Variants in CACNA1I observed in about 807,000 individuals in gnomAD.
CACNA1I encodes calcium voltage-gated channel subunit alpha1 I.
CACNA1I carries 74 observed loss-of-function variants against 201.6 expected under a neutral mutation model. The ratio of observed to expected loss-of-function variants is 0.37; its 90% CI spans 0.30 to 0.45. The LOEUF is 0.45. Ranked by LOEUF, CACNA1I falls within the 20% of genes least tolerant of loss-of-function variation. The pLI is 1.00. For synonymous variants in CACNA1I, 1,431 were observed against 1,345.2 expected (o/e 1.06, Z -1.40); for missense variants, 2,346 against 3,138.1 (o/e 0.75, Z 6.03).
At chr22:39,664,639 A>C in intron 20 of CACNA1I, 100 bp from the exon 21 acceptor site, 5 of 270,206 alleles carry the variant, frequency 1.9e-5, no homozygotes, top group Non-Finnish European at 2.9e-5. Flanking sequence ...CCCGAAGCCG[A>C]TCAGGCCTCG....
chr22:39,686,510 A>C lies in CACNA1I; in HGVS notation c.*105A>C. The C allele has an allele frequency of 1.1e-6, 1 of 872,152 alleles. No homozygotes were observed. Among genetic ancestry groups the C allele is most frequent in the Non-Finnish European group, 1.5e-6 (1 of 671,266 alleles). 54.0% of individuals were successfully genotyped at this position (872,152 alleles called of 1,614,324 possible). On this transcript the variant is annotated 3_prime_UTR_variant, in exon 37 of 37. Transcript: ENST00000402142. Reference sequence around the variant, plus strand: ...ACTTCGTCCACACCTGGGATCGCGCAGGGCCCGCAGGGCACAGGCGCCCGA... The same window carrying C: ...ACTTCGTCCACACCTGGGATCGCGCCGGGCCCGCAGGGCACAGGCGCCCGA...
Position 39,646,671 on chromosome 22 carries a change from C to T in CACNA1I, c.1252C>T (p.Arg418Cys). The T allele has an allele frequency of 1.9e-6, 3 of 1,581,518 alleles. No individual in the cohort carries two copies. The highest frequency in any genetic ancestry group is 2.3e-5 in the East Asian group (1 of 42,886). The stretch of plus-strand genomic sequence containing the variant: ...CCGGCTGATGCTGGAGCAGCGGCAG[C>T]GCTACCTGTCCTCCAGCACGGTGGC... ...EHRLMLEQRQRYLSSSTVASY... is the reference protein window; with the variant it reads ...EHRLMLEQRQCYLSSSTVASY... Residue 418 changes from arginine (R) to cysteine (C), a missense_variant, in exon 8 of 37, where the codon CGC becomes TGC. Coordinates refer to ENST00000402142, the MANE Select transcript of CACNA1I (RefSeq NM_021096.4).
intron 35 of CACNA1I, among the ~76,000 whole-genome samples, chr22:39,683,445 T>C (rs1935760558): frequency 6.6e-6 from 1 of 152,088 alleles, no homozygotes; most frequent in Non-Finnish European, 1.5e-5. Context: ...CCAGGGTGGC[T>C]GAGGTGCCAA....
At chr22:39,600,375 C>T (rs1345661966) in intron 2 of CACNA1I, 145 bp from the exon 3 acceptor site, 1 of 635,932 alleles carries the variant, frequency 1.6e-6, no homozygotes, top group Admixed American at 3.2e-5. Context: ...CACTGAGGTT[C>T]TCCTCCTGCC....
chr22:39,595,071 CAAAGT>C (rs1932864788), intron 1 of CACNA1I, among the ~76,000 whole-genome samples: 1 of 151,982 alleles, frequency 6.6e-6, no homozygotes, highest in African/African-American at 2.4e-5. Context: ...AGGCGGATCA[CAAAGT>C]CAGGAGATCG....
chr22:39,615,692 A>C (rs738168), intron 3 of CACNA1I, among the ~76,000 whole-genome samples: 138,374 of 152,216 alleles, frequency 0.91, 63,084 homozygotes, highest in Middle Eastern at 0.96. Flanking sequence ...TGAGAACTAC[A>C]CGATTCTTCA....
Position 39,646,839 on chromosome 22 carries a change from C to T in CACNA1I, c.1420C>T (p.Pro474Ser). The T allele has an allele frequency of 6.5e-7, 1 of 1,531,502 alleles. No individual in the cohort carries two copies. Among genetic ancestry groups the T allele is most frequent in the Non-Finnish European group, 8.8e-7 (1 of 1,139,720 alleles). 94.9% of individuals were successfully genotyped at this position (1,531,502 alleles called of 1,614,324 possible). A position where few individuals can be genotyped will look rare whatever the true frequency, so the allele number is the denominator to read the frequency against. ...GGCCCTGGGCCCGGAGGCCCCGGCC[C>T]CCGCCAAACCTGGGCCCCACGCCAA... ...RQALGPEAPA[P>S]AKPGPHAKEP... Residue 474 changes from proline to serine, a missense_variant, in exon 8 of 37, where the codon CCC becomes TCC. Transcript: ENST00000402142.
At chr22:39,593,270 G>A (rs775781717) in intron 1 of CACNA1I, among the ~76,000 whole-genome samples, 3 of 152,254 alleles carry the variant, frequency 2.0e-5, no homozygotes, top group Non-Finnish European at 4.4e-5. Context: ...AGCTCTCCAG[G>A]CTTGTTCCTT....
intron 1 of CACNA1I, among the ~76,000 whole-genome samples, chr22:39,588,150 T>TTTTTTTA (rs132578): frequency 7.0e-6 from 1 of 143,408 alleles, no homozygotes; most frequent in Non-Finnish European, 1.5e-5. Context: ...TTTTTTTTTT[T>TTTTTTTA]GAGACAAAGT....
At chr22:39,601,431 G>A (rs1933026139) in intron 3 of CACNA1I, among the ~76,000 whole-genome samples, 1 of 152,230 alleles carries the variant, frequency 6.6e-6, no homozygotes, top group Non-Finnish European at 1.5e-5. Flanking sequence ...ACTGAGCCAA[G>A]CTGGGGACTT....
intron 1 of CACNA1I, among the ~76,000 whole-genome samples, chr22:39,591,979 C>T (rs1422185663): frequency 2.6e-5 from 4 of 152,226 alleles, no homozygotes; most frequent in Non-Finnish European, 5.9e-5. Flanking sequence ...ACAACAGGCA[C>T]ACAATATAAG....
In CACNA1I at chr22:39,677,978, C is replaced by A; in HGVS notation, c.4934-9C>A. On this transcript the variant is annotated splice_polypyrimidine_tract_variant and intron_variant, in intron 30 of 36. Coordinates refer to ENST00000402142, the MANE Select transcript of CACNA1I (RefSeq NM_021096.4). The surrounding 1 kb of genome is among the most constrained non-coding windows in gnomAD (Gnocchi z 4.8). ...CATCGGGCAGGGCTGACCTCCTCCC[C>A]GCTTCCAGTCTGCAACGACGAGAAC... 6.3e-7 allele frequency: 1 copy of A among 1,581,002 alleles called. No individual in the cohort carries two copies. The highest frequency in any genetic ancestry group is 2.3e-5 in the East Asian group (1 of 42,830).
At chr22:39,644,502 C>T (rs183070890) in intron 7 of CACNA1I, among the ~76,000 whole-genome samples, 69 of 152,158 alleles carry the variant, frequency 4.5e-4, no homozygotes, top group African/African-American at 1.4e-3. Context: ...TGAGTGCTGG[C>T]GAGAGGCTGA....
intron 16 of CACNA1I, among the ~76,000 whole-genome samples, chr22:39,661,557 G>A (rs1935014020): frequency 6.6e-6 from 1 of 152,264 alleles, no homozygotes; most frequent in South Asian, 2.1e-4. Context: ...GCAACAATGT[G>A]TAGGGTAAAA....
chr22:39,585,954 T>C (rs910665889), intron 1 of CACNA1I, among the ~76,000 whole-genome samples: 7 of 151,862 alleles, frequency 4.6e-5, no homozygotes, highest in Admixed American at 1.3e-4. Flanking sequence ...CCGAGGTGGG[T>C]GGATCACGAG....
intron 1 of CACNA1I, among the ~76,000 whole-genome samples, chr22:39,594,793 G>A (rs1932860913): frequency 2.0e-5 from 3 of 152,098 alleles, no homozygotes; most frequent in Admixed American, 1.3e-4. Flanking sequence ...CCGGATGTTG[G>A]AGTGGGCAGG....
intron 1 of CACNA1I, among the ~76,000 whole-genome samples, chr22:39,588,194 A>G (rs1420630971): frequency 8.0e-6 from 1 of 125,264 alleles, no homozygotes; most frequent in African/African-American, 3.1e-5. Flanking sequence ...GTGCAGTGGC[A>G]CCGTCATAAC....
chr22:39,620,012 T>TCCATCCATCC lies in CACNA1I; in HGVS notation c.580+605_580+606insCCATCCATCC, dbSNP rs1555905399. Among the ~76,000 whole-genome samples the TCCATCCATCC allele has an allele frequency of 4.1e-3, 381 of 92,904 alleles. 2 individuals carry two copies. The highest frequency in any genetic ancestry group is 0.016 in the African/African-American group (358 of 22,172). The allele number at this position is 92,904 out of a possible 152,430, so 60.9% of individuals were successfully genotyped here. On this transcript the variant is annotated intron_variant, in intron 4 of 36. Coordinates refer to ENST00000402142, the MANE Select transcript of CACNA1I (RefSeq NM_021096.4). ...CTACCTGTCCACCCATCCACCTGTC[T>TCCATCCATCC]ATCCATCCATCCATCCATCCATCCA...
chr22:39,624,460 G>A (rs991128332), intron 4 of CACNA1I, among the ~76,000 whole-genome samples: 12 of 152,194 alleles, frequency 7.9e-5, no homozygotes, highest in African/African-American at 2.9e-4. Flanking sequence ...GGCCACCGCT[G>A]GGCAGTTGGG....
Sources: allele counts gnomAD v4.1 joint callset (sites outside exome capture counted in the v4.1 genomes callset), GRCh38; gene constraint gnomAD v4.1.1; non-coding constraint Gnocchi (gnomAD v3.1); transcripts MANE v1.5; gene names NCBI Gene and HGNC (gene_info 2026-07-23, HGNC 2026-07-21).